The following TRDN variants were observed in gnomAD, a reference collection of about 807,000 sequenced individuals.
TRDN encodes triadin in skeletal muscle.
Under a neutral mutation model 149.7 loss-of-function variants are expected in TRDN, and 161 were observed. The observed-to-expected ratio is 1.08, with a 90% CI of 0.95 to 1.23. The LOEUF (loss-of-function observed/expected upper bound fraction) is 1.23. TRDN is among the 50% of genes most tolerant of loss of function. The probability of loss-of-function intolerance (pLI) is 0.00; values close to 1 mark genes in which losing one functional copy is unlikely to be tolerated. For synonymous variants in TRDN, 294 were observed against 250.5 expected, an observed-to-expected ratio of 1.17 and a Z score of -1.64; for missense variants, 896 against 823.5, an observed-to-expected ratio of 1.09 and a Z score of -1.08.
At chr6:123,558,406 G>C (rs1781796681) in intron 2 of TRDN, among the ~76,000 whole-genome samples, 1 of 152,036 alleles carries the variant, frequency 6.6e-6, no homozygotes, top group African/African-American at 2.4e-5. Context: ...GTTGCATTCT[G>C]TGACTAGCCC....
At chr6:123,491,047 A>G (rs1043936264) in intron 9 of TRDN, among the ~76,000 whole-genome samples, 14 of 151,782 alleles carry the variant, frequency 9.2e-5, no homozygotes, top group African/African-American at 3.4e-4. Context: ...CAGAGGTTGC[A>G]GTGAGCCGAG....
chr6:123,483,728 G>T (rs915518417), intron 9 of TRDN, among the ~76,000 whole-genome samples: 1 of 152,088 alleles, frequency 6.6e-6, no homozygotes, highest in Non-Finnish European at 1.5e-5. Flanking sequence ...TGACTGGATT[G>T]TTATCTCCTT....
chr6:123,463,943 G>A (rs1395276043), intron 10 of TRDN, among the ~76,000 whole-genome samples: 2 of 152,114 alleles, frequency 1.3e-5, no homozygotes, highest in Non-Finnish European at 1.5e-5. Context: ...GGAAGATCTT[G>A]AACAAGCAGG....
intron 2 of TRDN, among the ~76,000 whole-genome samples, chr6:123,553,706 G>A (rs532952359): frequency 1.3e-5 from 2 of 152,272 alleles, no homozygotes; most frequent in African/African-American, 4.8e-5. Flanking sequence ...GCCAGCAAAA[G>A]AAAATGAGAG....
chr6:123,475,013 C>A (rs1444116686), intron 9 of TRDN, among the ~76,000 whole-genome samples: 15 of 151,948 alleles, frequency 9.9e-5, no homozygotes, highest in African/African-American at 3.6e-4. Context: ...AAAGCAAGAG[C>A]AAACATATTC....
At chr6:123,348,397 G>T (rs1219958005) in intron 21 of TRDN, among the ~76,000 whole-genome samples, 1 of 152,020 alleles carries the variant, frequency 6.6e-6, no homozygotes, top group Non-Finnish European at 1.5e-5. Context: ...GATGGTTTCA[G>T]ATTATTTCTG....
At chr6:123,626,347 G>T (rs914064603) in intron 1 of TRDN, among the ~76,000 whole-genome samples, 3 of 152,106 alleles carry the variant, frequency 2.0e-5, no homozygotes, top group Non-Finnish European at 4.4e-5. Context: ...GCCTGGCAGT[G>T]TGATGCACAC....
intron 38 of TRDN, among the ~76,000 whole-genome samples, chr6:123,245,351 C>T (rs998439173): frequency 9.9e-5 from 15 of 151,932 alleles, no homozygotes; most frequent in Middle Eastern, 3.4e-3. Context: ...GGAGACACGT[C>T]ACACATGCAA....
intron 12 of TRDN, among the ~76,000 whole-genome samples, chr6:123,414,348 G>A (rs1192373916): frequency 6.6e-6 from 1 of 151,962 alleles, no homozygotes; most frequent in African/African-American, 2.4e-5. Flanking sequence ...TACTCCATAG[G>A]ATATATAGAA....
At chr6:123,265,890 C>T (rs528706411) in intron 32 of TRDN, among the ~76,000 whole-genome samples, 2 of 146,850 alleles carry the variant, frequency 1.4e-5, no homozygotes, top group African/African-American at 4.9e-5. Flanking sequence ...TCCAATATAA[C>T]ATGTCTTCTA....
At chr6:123,486,568 A>G (rs1777981253) in intron 9 of TRDN, among the ~76,000 whole-genome samples, 2 of 152,006 alleles carry the variant, frequency 1.3e-5, no homozygotes, top group African/African-American at 4.8e-5. Flanking sequence ...TAAACCAAAT[A>G]GAGCATTTTA....
rs149270228 is a variant in TRDN at position 123,353,873 on chromosome 6, T to C, written c.1322-1287A>G. Among the ~76,000 whole-genome samples, 93 of 151,892 alleles carry C rather than the reference T, an allele frequency of 6.1e-4. No homozygotes were observed. In the East Asian group the frequency reaches 0.017, roughly 28 times the overall value. Reference sequence around the variant, plus strand: ...ATGTTAAACTAAAAGCAAATAAATATGTATGAACCTCACAGATCACACCTG... The same window carrying C: ...ATGTTAAACTAAAAGCAAATAAATACGTATGAACCTCACAGATCACACCTG... On this transcript the variant is annotated intron_variant, in intron 20 of 40. Coordinates refer to ENST00000334268, the MANE Select transcript of TRDN (RefSeq NM_006073.4).
chr6:123,512,505 A>G, intron 6 of TRDN, 143 bp from the exon 7 acceptor site: 1 of 511,464 alleles, frequency 2.0e-6, no homozygotes, highest in Admixed American at 3.4e-5. Context: ...ATTCAGAAAT[A>G]AAGAGTTACC....
At chr6:123,569,622 T>G (rs915019727) in intron 2 of TRDN, among the ~76,000 whole-genome samples, 1 of 152,166 alleles carries the variant, frequency 6.6e-6, no homozygotes, top group African/African-American at 2.4e-5. Context: ...TGGTGTCTTC[T>G]TGGATTCTGG....
At chr6:123,516,592 T>C (rs1371143653) in intron 5 of TRDN, among the ~76,000 whole-genome samples, 1 of 152,102 alleles carries the variant, frequency 6.6e-6, no homozygotes, top group Non-Finnish European at 1.5e-5. Context: ...GAGACATAAT[T>C]TTCTGATCTT....
intron 1 of TRDN, among the ~76,000 whole-genome samples, chr6:123,584,826 A>C (rs941584318): frequency 6.6e-6 from 1 of 152,132 alleles, no homozygotes; most frequent in African/African-American, 2.4e-5. Context: ...TGAGGATAGG[A>C]GAGTATATGG....
intron 1 of TRDN, among the ~76,000 whole-genome samples, chr6:123,575,492 A>G (rs1782807222): frequency 6.6e-6 from 1 of 152,104 alleles, no homozygotes; most frequent in African/African-American, 2.4e-5. Flanking sequence ...ATGAGAGGTA[A>G]ATATTACCGA....
chr6:123,423,262 C>T (rs1309895365), intron 12 of TRDN, among the ~76,000 whole-genome samples: 2 of 152,094 alleles, frequency 1.3e-5, no homozygotes, highest in African/African-American at 2.4e-5. Flanking sequence ...AAAGTTACCC[C>T]TGCTTTTAGT....
chr6:123,417,910 T>A (rs114360642), intron 12 of TRDN, among the ~76,000 whole-genome samples: 2,798 of 152,266 alleles, frequency 0.018, 88 homozygotes, highest in African/African-American at 0.063. Flanking sequence ...TAGCTGCTTT[T>A]GTTAAGCAAA....
Sources: allele counts gnomAD v4.1 joint callset (sites outside exome capture counted in the v4.1 genomes callset), GRCh38; gene constraint gnomAD v4.1.1; transcripts MANE v1.5; gene names NCBI Gene and HGNC (gene_info 2026-07-23, HGNC 2026-07-21).